Variants in SLC17A2 observed in about 807,000 individuals in gnomAD.
The protein encoded by SLC17A2 is solute carrier family 17 member 2.
SLC17A2 carries 38 observed loss-of-function variants against 52.1 expected under a neutral mutation model. That is an observed-to-expected ratio of 0.73 (90% CI 0.56 to 0.96). SLC17A2 has a LOEUF of 0.96. SLC17A2 is among the 40% of genes least tolerant of loss of function. SLC17A2 has a pLI of 0.00. For missense variants in SLC17A2, 508 were observed against 583.9 expected, an observed-to-expected ratio of 0.87 and a Z score of 1.34; for synonymous variants, 226 against 211.9, an observed-to-expected ratio of 1.07 and a Z score of -0.58.
intron 1 of SLC17A2, among the ~76,000 whole-genome samples, chr6:25,927,651 A>G (rs1766812455): frequency 1.3e-5 from 2 of 152,310 alleles, no homozygotes; most frequent in East Asian, 1.9e-4. Context: ...CTGCTTTCCA[A>G]ATATCTCTAG....
intron 1 of SLC17A2, 82 bp from the exon 2 acceptor site, chr6:25,925,961 G>T (rs1766750032): frequency 4.0e-6 from 3 of 748,392 alleles, no homozygotes. Context: ...ATCAGTAAAA[G>T]TTTTGACCCA....
rs1766165686 is a variant in SLC17A2, at chr6:25,913,184, G to T, written c.*133C>A. The T allele has an allele frequency of 3.2e-6, 3 of 933,268 alleles. No individual in the cohort carries two copies. The highest frequency in any genetic ancestry group is 1.6e-5 in the South Asian group (1 of 63,700). The allele number at this position is 933,268 out of a possible 1,614,324, so 57.8% of individuals were successfully genotyped here. A position where few individuals can be genotyped will look rare whatever the true frequency, so the allele number is the denominator to read the frequency against. ...GTCCCAAGTATCAGTGTCTTATAAA[G>T]GCTCCCCAGGGAAGACTAACACACA... On this transcript the variant is annotated 3_prime_UTR_variant, in exon 12 of 12. Coordinates refer to ENST00000377850, the MANE Select transcript of SLC17A2 (RefSeq NM_001286123.3).
intron 6 of SLC17A2, 46 bp from the exon 7 acceptor site, chr6:25,917,133 G>C (rs1766356661): frequency 6.9e-7 from 1 of 1,444,260 alleles, no homozygotes; most frequent in Non-Finnish European, 9.7e-7. Flanking sequence ...TTTGTTTACT[G>C]GGGGAAGGAA....
chr6:25,924,670 A>T (rs6929323), intron 2 of SLC17A2, among the ~76,000 whole-genome samples: 88 of 152,158 alleles, frequency 5.8e-4, no homozygotes, highest in African/African-American at 1.5e-3. Context: ...TTACCCAGGC[A>T]TGGTGATGCA....
chr6:25,914,520 G>T (rs774574731), intron 11 of SLC17A2, 60 bp downstream of exon 11: 1 of 1,045,602 alleles, frequency 9.6e-7, no homozygotes, highest in Non-Finnish European at 1.5e-6. Flanking sequence ...AGCACCGTGT[G>T]TATCTCCAAC....
chr6:25,914,436 G>A (rs1561873367), intron 11 of SLC17A2, 144 bp downstream of exon 11: 1 of 620,088 alleles, frequency 1.6e-6, no homozygotes, highest in Non-Finnish European at 2.9e-6. Context: ...CTTCCTCTGG[G>A]AAATCTGACC....
At chr6:25,914,544 C>T (rs1197909708) in intron 11 of SLC17A2, 36 bp downstream of exon 11, 2 of 1,315,634 alleles carry the variant, frequency 1.5e-6, no homozygotes, top group East Asian at 2.3e-5. Context: ...TAAAACAATA[C>T]CTGCCACTTG....
intron 1 of SLC17A2, 142 bp from the exon 2 acceptor site, chr6:25,926,021 G>A (rs1417091840): frequency 5.0e-6 from 3 of 598,924 alleles, no homozygotes; most frequent in Non-Finnish European, 9.0e-6. Flanking sequence ...TATGCTTTTG[G>A]TTACAGGATT....
At chr6:25,915,909 G>A (rs747767127) in intron 8 of SLC17A2, 41 bp from the exon 9 acceptor site, 7 of 1,589,350 alleles carry the variant, frequency 4.4e-6, no homozygotes, top group South Asian at 3.4e-5. Context: ...ATAGAGATAC[G>A]TTAGCACCAA....
At chr6:25,930,113 C>T (rs1486433272) in intron 1 of SLC17A2, among the ~76,000 whole-genome samples, 164 bp downstream of exon 1, 6 of 152,100 alleles carry the variant, frequency 3.9e-5, no homozygotes, top group Non-Finnish European at 8.8e-5. Context: ...CCACCAGGCC[C>T]GGCCATGTTC....
In SLC17A2 at chr6:25,923,863, CATG is replaced by C; in HGVS notation, c.69_71del (p.Ile23del). 6.2e-7 allele frequency: 1 copy of C among 1,614,146 alleles called. No individual in the cohort carries two copies. The highest frequency in any genetic ancestry group is 2.2e-5 in the East Asian group (1 of 44,882). Reference sequence around the variant, plus strand: ...TTATCATGGTGAAGTTTGAGAAGTGCATGATAAGAGCCAGCCCATAGCGTAATG... The same window carrying C: ...TTATCATGGTGAAGTTTGAGAAGTGCATAAGAGCCAGCCCATAGCGTAATG... On this transcript the variant is annotated inframe_deletion, in exon 3 of 12. Coordinates refer to ENST00000377850, the MANE Select transcript of SLC17A2 (RefSeq NM_001286123.3).
Position 25,923,865 on chromosome 6 carries a change from T to C in SLC17A2, c.70A>G (p.Met24Val). ...ATCATGGTGAAGTTTGAGAAGTGCA[T>C]GATAAGAGCCAGCCCATAGCGTAAT... ...CSLRYGLALIMHFSNFTMITQ... is the reference protein window; with the variant it reads ...CSLRYGLALIVHFSNFTMITQ... Residue 24 changes from methionine to valine, a missense_variant, in exon 3 of 12, where the codon ATG becomes GTG. By Grantham distance (21) the Met-to-Val change is conservative. Coordinates refer to ENST00000377850, the MANE Select transcript of SLC17A2 (RefSeq NM_001286123.3). 1 of 1,614,192 alleles carries C rather than the reference T, an allele frequency of 6.2e-7. No individual in the cohort carries two copies. Among genetic ancestry groups the C allele is most frequent in the Non-Finnish European group, 8.5e-7 (1 of 1,180,038 alleles).
At chr6:25,929,478 A>G (rs1766876807) in intron 1 of SLC17A2, among the ~76,000 whole-genome samples, 1 of 152,194 alleles carries the variant, frequency 6.6e-6, no homozygotes, top group Admixed American at 6.5e-5. Context: ...AATGAAATGT[A>G]TTTCTATAAA....
At chr6:25,927,391 A>G (rs938989826) in intron 1 of SLC17A2, among the ~76,000 whole-genome samples, 1 of 152,218 alleles carries the variant, frequency 6.6e-6, no homozygotes. Context: ...GAAAAATGCT[A>G]GTACTCTAGT....
chr6:25,914,654 T>C lies in SLC17A2; in HGVS notation c.1228A>G (p.Met410Val). Reference sequence around the variant, plus strand: ...AGCCCAAATCCCCTTGAGATTCCCATGAGGAAACTTGCATATCTGTGGGAA... The same window carrying C: ...AGCCCAAATCCCCTTGAGATTCCCACGAGGAAACTTGCATATCTGTGGGAA... ...DIAPRYASFL[M>V]GISRGFGLIA... is the part of the protein sequence containing the mutation. The change falls in exon 11 of 12, where the codon ATG becomes GTG. Residue 410 changes from methionine (M) to valine (V), a missense_variant. By Grantham distance (21) the Met-to-Val change is conservative. Transcript: ENST00000377850. 6.2e-7 allele frequency: 1 copy of C among 1,607,788 alleles called. No homozygotes were observed. Among genetic ancestry groups the C allele is most frequent in the Non-Finnish European group, 8.5e-7 (1 of 1,174,286 alleles).
In SLC17A2 at chr6:25,921,181, G is replaced by T; in HGVS notation, c.472C>A (p.Gln158Lys). Reference protein sequence around the residue: ...IMVRTVQGMAQGMAWTGQFTI... With the variant: ...IMVRTVQGMAKGMAWTGQFTI... ...AGAATGAGAAAGTATCTGGATACCT[G>T]GGCCATGCCCTGGACTGTCCGAACC... is the stretch of plus-strand genomic sequence containing the variant. The change falls in exon 4 of 12, where the codon CAG (glutamine) becomes AAG (lysine). Residue 158 changes from glutamine (Q) to lysine (K), a missense_variant and splice_region_variant. By Grantham distance (53) the Gln-to-Lys change is moderately conservative. Transcript: ENST00000377850. 1 of 1,614,022 alleles carries T rather than the reference G, an allele frequency of 6.2e-7. No individual in the cohort carries two copies. Among genetic ancestry groups the T allele is most frequent in the Non-Finnish European group, 8.5e-7 (1 of 1,179,916 alleles).
Position 25,918,541 on chromosome 6 carries a change from C to T in SLC17A2, c.595G>A (p.Val199Met), listed in dbSNP as rs1178773017. The T allele has an allele frequency of 1.2e-5, 20 of 1,613,532 alleles. No homozygotes were observed. Among genetic ancestry groups the T allele is most frequent in the Non-Finnish European group, 1.7e-5 (20 of 1,179,608 alleles). ...SAFGSFIILC[V>M]GGLISQALSW... Reference sequence around the variant, plus strand: ...AAGGCCTGTGAGATTAGTCCCCCCACACAGAGGATGATGAAGGATCCAAAT... The same window carrying T: ...AAGGCCTGTGAGATTAGTCCCCCCATACAGAGGATGATGAAGGATCCAAAT... The change falls in exon 6 of 12, where the codon GTG becomes ATG. Residue 199 changes from valine to methionine, a missense_variant. By Grantham distance (21) the Val-to-Met change is conservative. Coordinates refer to ENST00000377850, the MANE Select transcript of SLC17A2 (RefSeq NM_001286123.3).
Position 25,917,064 on chromosome 6 carries a change from GA to G in SLC17A2, c.672del (p.Leu225SerfsTer6). The G allele has an allele frequency of 6.2e-7, 1 of 1,614,008 alleles. No individual in the cohort carries two copies. Among genetic ancestry groups the G allele is most frequent in the Non-Finnish European group, 8.5e-7 (1 of 1,179,908 alleles). On this transcript the variant is annotated frameshift_variant, in exon 7 of 12. Coordinates refer to ENST00000377850, the MANE Select transcript of SLC17A2 (RefSeq NM_001286123.3). LOFTEE classifies it high-confidence loss of function. ...YIFGSTGCVC[C>X]LLWFTVIYDD... ...TCATAAATCACTGTGAACCATAGGA[GA>G]CAGCAGACACAGCCAGTGCTACCTG...
At chr6:25,922,173 A>G (rs1322029136) in intron 3 of SLC17A2, among the ~76,000 whole-genome samples, 1 of 152,046 alleles carries the variant, frequency 6.6e-6, no homozygotes, top group Non-Finnish European at 1.5e-5. Flanking sequence ...AAAAAACTAT[A>G]AATAATACAA....
Sources: allele counts gnomAD v4.1 joint callset (sites outside exome capture counted in the v4.1 genomes callset), GRCh38; gene constraint gnomAD v4.1.1; transcripts MANE v1.5; gene names NCBI Gene and HGNC (gene_info 2026-07-23, HGNC 2026-07-21).